The following LRRC7 variants were observed in gnomAD, a reference collection of about 807,000 sequenced individuals.
The protein encoded by LRRC7 is leucine rich repeat containing 7, also known as leucine-rich repeat-containing protein 7.
LRRC7 carries 23 observed loss-of-function variants against 175.7 expected under a neutral mutation model. That is an observed-to-expected ratio of 0.13 (90% CI 0.09 to 0.19). The LOEUF (loss-of-function observed/expected upper bound fraction) is 0.19. Ranked by LOEUF, LRRC7 falls within the 10% of genes least tolerant of loss-of-function variation. LRRC7 has a pLI of 1.00. For missense variants in LRRC7, 1,354 were observed against 1,904.7 expected (o/e 0.71, Z 5.38); for synonymous variants, 685 against 680.9 (o/e 1.01, Z -0.09).
At chr1:69,762,966 G>T (rs1464057390) in intron 3 of LRRC7, among the ~76,000 whole-genome samples, 1 of 151,814 alleles carries the variant, frequency 6.6e-6, no homozygotes, top group Non-Finnish European at 1.5e-5. Flanking sequence ...TCATAAAACA[G>T]CCATGTAAGC....
chr1:69,903,601 G>C (rs775194014), intron 7 of LRRC7, among the ~76,000 whole-genome samples: 5 of 152,096 alleles, frequency 3.3e-5, no homozygotes, highest in Non-Finnish European at 4.4e-5. Context: ...AAAAGAACTA[G>C]AGAAGCAAGA....
At chr1:69,887,985 C>G (rs532918754) in intron 7 of LRRC7, among the ~76,000 whole-genome samples, 3 of 128,894 alleles carry the variant, frequency 2.3e-5, no homozygotes, top group South Asian at 2.5e-4. Flanking sequence ...TCTCAGATCT[C>G]CAGCTGCGTG....
At chr1:69,752,625 T>TA (rs1348705598) in intron 2 of LRRC7, among the ~76,000 whole-genome samples, 1 of 152,154 alleles carries the variant, frequency 6.6e-6, no homozygotes, top group Non-Finnish European at 1.5e-5. Context: ...GTTATTCACC[T>TA]AGGTTAGGCC....
intron 1 of LRRC7, among the ~76,000 whole-genome samples, chr1:69,667,947 A>G (rs1658509457): frequency 6.6e-6 from 1 of 151,302 alleles, no homozygotes; most frequent in Non-Finnish European, 1.5e-5. Context: ...TATTTAATTC[A>G]TTGCTTTTTA....
intron 3 of LRRC7, among the ~76,000 whole-genome samples, chr1:69,772,381 G>A (rs900929863): frequency 7.9e-5 from 12 of 152,130 alleles, no homozygotes; most frequent in Non-Finnish European, 1.5e-4. Flanking sequence ...ATGAAGGGAA[G>A]AGTGGTACAA....
chr1:70,025,834 G>C (rs1022736329), intron 17 of LRRC7, among the ~76,000 whole-genome samples: 51 of 144,434 alleles, frequency 3.5e-4, no homozygotes, highest in African/African-American at 9.0e-4. Context: ...CAATTTAAGG[G>C]GGGGGGGGTC....
chr1:69,806,713 T>C (rs1557754165), intron 4 of LRRC7, among the ~76,000 whole-genome samples: 6 of 151,958 alleles, frequency 3.9e-5, no homozygotes. Flanking sequence ...ATCAATGAAA[T>C]TTAATATATC....
intron 7 of LRRC7, among the ~76,000 whole-genome samples, chr1:69,912,180 TACTC>T (rs767744346): frequency 8.5e-5 from 13 of 152,108 alleles, no homozygotes; most frequent in Non-Finnish European, 1.5e-4. Flanking sequence ...TAAATATTAA[TACTC>T]AGAAAGCCCA....
At chr1:69,829,691 A>G (rs1470289360) in intron 5 of LRRC7, among the ~76,000 whole-genome samples, 1 of 151,870 alleles carries the variant, frequency 6.6e-6, no homozygotes, top group Non-Finnish European at 1.5e-5. Context: ...TAAATCAATT[A>G]CATGTGAAAA....
intron 9 of LRRC7, among the ~76,000 whole-genome samples, chr1:69,985,716 A>G (rs1653878816): frequency 6.6e-6 from 1 of 152,244 alleles, no homozygotes; most frequent in African/African-American, 2.4e-5. Context: ...CATATCATAT[A>G]AATGGAATCA....
chr1:70,118,667 G>T (rs1306094451), intron 26 of LRRC7, among the ~76,000 whole-genome samples: 1 of 152,088 alleles, frequency 6.6e-6, no homozygotes, highest in Non-Finnish European at 1.5e-5. Context: ...TTCAGCCTTA[G>T]CCCTTTCCCT....
Position 69,805,277 on chromosome 1 carries a change from A to T in LRRC7, c.421+13117A>T, listed in dbSNP as rs914912565. ...ATAGGAGGCGGACTTTTTTTCTCTC[A>T]AATAGGCTAGAAAAAGCATATATGG... On this transcript the variant is annotated intron_variant, in intron 4 of 26. Transcript: ENST00000651989. Among the ~76,000 whole-genome samples the T allele has an allele frequency of 2.8e-4, 42 of 151,774 alleles. 1 individual carries two copies.
chr1:70,090,679 A>C (rs1187192695), intron 25 of LRRC7, among the ~76,000 whole-genome samples: 1 of 152,124 alleles, frequency 6.6e-6, no homozygotes, highest in Non-Finnish European at 1.5e-5. Context: ...TAGGATGATG[A>C]AGAAGGAAAA....
intron 8 of LRRC7, among the ~76,000 whole-genome samples, chr1:69,974,227 A>G (rs1261535738): frequency 6.6e-6 from 1 of 152,186 alleles, no homozygotes; most frequent in Non-Finnish European, 1.5e-5. Flanking sequence ...CATTTTAACA[A>G]CATATTACTT....
At chr1:69,623,912 T>C (rs544082313) in intron 1 of LRRC7, among the ~76,000 whole-genome samples, 1 of 152,320 alleles carries the variant, frequency 6.6e-6, no homozygotes, top group East Asian at 1.9e-4. Context: ...CATTCACCTC[T>C]ATTTGCTTGT....
intron 2 of LRRC7, among the ~76,000 whole-genome samples, chr1:69,717,783 A>AAAG (rs1557640453): frequency 3.2e-4 from 8 of 25,212 alleles, no homozygotes; most frequent in African/African-American, 1.4e-3. Context: ...AGAAAGAAAG[A>AAAG]AAGAAAGAAA....
chr1:70,015,026 C>A lies in LRRC7; in HGVS notation c.1251-1439C>A, dbSNP rs185568501. Reference sequence around the variant, plus strand: ...CATTCTGCTTTTAATATACCCCATACGTTGTGAAAAACTCTCCCAATAAGA... The same window carrying A: ...CATTCTGCTTTTAATATACCCCATAAGTTGTGAAAAACTCTCCCAATAAGA... On this transcript the variant is annotated intron_variant, in intron 13 of 26. Transcript: ENST00000651989. Among the ~76,000 whole-genome samples, 237 of 152,090 alleles carry A rather than the reference C, an allele frequency of 1.6e-3. 1 individual carries two copies. Among genetic ancestry groups the A allele is most frequent in the Non-Finnish European group, 2.7e-3 (185 of 67,928 alleles).
intron 3 of LRRC7, among the ~76,000 whole-genome samples, chr1:69,765,487 C>G (rs1160815917): frequency 6.6e-6 from 1 of 152,024 alleles, no homozygotes; most frequent in Non-Finnish European, 1.5e-5. Context: ...GCAATGGTCA[C>G]CCAAGCTCTT....
intron 22 of LRRC7, among the ~76,000 whole-genome samples, chr1:70,045,625 C>T (rs564434097): frequency 6.6e-6 from 1 of 152,256 alleles, no homozygotes; most frequent in South Asian, 2.1e-4. Flanking sequence ...TCTTATAGGG[C>T]TTGCTAATTA....
Sources: gnomAD v4.1 joint callset for allele counts (sites outside exome capture counted in the v4.1 genomes callset) on GRCh38, gnomAD v4.1.1 for gene constraint, MANE v1.5 for transcripts, NCBI Gene and HGNC (gene_info 2026-07-23, HGNC 2026-07-21) for gene names.